MND1: variants seen among roughly 807,000 people sequenced by gnomAD.
MND1 encodes the protein meiotic nuclear divisions 1.
A neutral mutation model predicts 35.1 loss-of-function variants in MND1; 28 were observed. That is an observed-to-expected ratio of 0.80 (90% confidence interval 0.59 to 1.09). The LOEUF (loss-of-function observed/expected upper bound fraction) is 1.09, where lower values mean the gene tolerates loss of function less well. Among genes scored for constraint, MND1 ranks in the 50% least tolerant of loss-of-function variants. The pLI, the probability that MND1 is intolerant of heterozygous loss-of-function variation, is 0.00. For missense variants in MND1, 213 were observed against 239.6 expected, an observed-to-expected ratio of 0.89 and a Z score of 0.73; for synonymous variants, 69 against 70.5, an observed-to-expected ratio of 0.98 and a Z score of 0.11.
chr4:153,356,880 TG>T (rs1375584930), intron 3 of MND1, among the ~76,000 whole-genome samples: 1 of 152,106 alleles, frequency 6.6e-6, no homozygotes, highest in Non-Finnish European at 1.5e-5. Flanking sequence ...TGGAGCCCAG[TG>T]GTGCAGTCCT....
chr4:153,349,670 C>A (rs1380052042), intron 1 of MND1, among the ~76,000 whole-genome samples: 1 of 152,206 alleles, frequency 6.6e-6, no homozygotes, highest in Non-Finnish European at 1.5e-5. Flanking sequence ...ACCCTTCTTC[C>A]TCTGCATAGT....
intron 4 of MND1, among the ~76,000 whole-genome samples, chr4:153,380,042 C>G (rs185996880): frequency 1.2e-4 from 18 of 144,440 alleles, no homozygotes; most frequent in African/African-American, 3.4e-4. Context: ...AAAAATTATT[C>G]ACTGTAGATG....
upstream of MND1, chr4:153,344,652 C>A: frequency 1.6e-6 from 2 of 1,258,374 alleles, no homozygotes; most frequent in Non-Finnish European, 1.1e-6. Flanking sequence ...GCGGCGTAGT[C>A]GGCGCCAAAA....
intron 4 of MND1, among the ~76,000 whole-genome samples, chr4:153,393,131 G>A (rs1243663079): frequency 1.3e-5 from 2 of 151,792 alleles, no homozygotes; most frequent in Non-Finnish European, 2.9e-5. Flanking sequence ...GAAAAAAAAA[G>A]AGAAAAAGAT....
intron 6 of MND1, among the ~76,000 whole-genome samples, chr4:153,402,764 G>A (rs1017711126): frequency 2.0e-5 from 3 of 152,148 alleles, no homozygotes; most frequent in African/African-American, 7.2e-5. Flanking sequence ...TCTCTGTGGG[G>A]AGTGTTTGTC....
chr4:153,404,147 C>T lies in MND1; in HGVS notation c.467-4824C>T, dbSNP rs955119964. 7.5e-5 allele frequency among the ~76,000 whole-genome samples: 11 copies of T among 146,376 alleles called. No homozygotes were observed. In the East Asian group the frequency reaches 8.0e-4, roughly 11 times the overall value. On this transcript the variant is annotated intron_variant, in intron 6 of 7. Coordinates refer to ENST00000240488, the MANE Select transcript of MND1 (RefSeq NM_032117.4). ...AATATATTCAAAGAGAAATGAAAAA[C>T]GAGAAAATCAAAACCAAAAATTGGT...
chr4:153,383,685 A>T (rs142269790), intron 4 of MND1, among the ~76,000 whole-genome samples: 4 of 152,162 alleles, frequency 2.6e-5, no homozygotes, highest in African/African-American at 9.6e-5. Context: ...AGCACTCTCC[A>T]TCATGTCCTT....
intron 4 of MND1, among the ~76,000 whole-genome samples, chr4:153,372,923 T>A (rs1288259940): frequency 6.6e-6 from 1 of 152,218 alleles, no homozygotes; most frequent in African/African-American, 2.4e-5. Context: ...GATGTATTTA[T>A]CATTATGAAA....
At position 153,394,343 on chromosome 4, in the gene MND1, TTG is replaced by T. The variant is rs777727047; in HGVS notation, c.351+11_351+12del. The T allele has an allele frequency of 3.7e-6, 6 of 1,607,208 alleles. No homozygotes were observed. In the African/African-American group the frequency reaches 8.0e-5, roughly 22 times the overall value. ...AATTGGCCGATGTGAAACGGTAAGTTTGTGTCTATAGATTATTTTAATAATGG... is the reference window on the plus strand; with the variant it reads ...AATTGGCCGATGTGAAACGGTAAGTTTGTCTATAGATTATTTTAATAATGG... On this transcript the variant is annotated splice_region_variant and intron_variant, in intron 5 of 7. Coordinates refer to ENST00000240488, the MANE Select transcript of MND1 (RefSeq NM_032117.4).
intron 4 of MND1, among the ~76,000 whole-genome samples, chr4:153,379,325 G>GAA (rs375547555): frequency 1.5e-5 from 2 of 132,128 alleles, no homozygotes; most frequent in African/African-American, 5.6e-5. Flanking sequence ...AAGAAGAAAA[G>GAA]AAAAAAAAAA....
At chr4:153,352,740 C>T (rs867114840) in intron 2 of MND1, among the ~76,000 whole-genome samples, 86 of 90,588 alleles carry the variant, frequency 9.5e-4, no homozygotes, top group Middle Eastern at 9.4e-3. Context: ...GAGTGAGACC[C>T]TATCTTAAAA....
At position 153,394,336 on chromosome 4, in the gene MND1, G is replaced by T; in HGVS notation, c.351G>T (p.Thr117=). 6.2e-7 allele frequency: 1 copy of T among 1,609,812 alleles called. No homozygotes were observed. Among genetic ancestry groups the T allele is most frequent in the Non-Finnish European group, 8.5e-7 (1 of 1,177,118 alleles). Residue 117 remains threonine (T), a splice_region_variant and synonymous_variant, in exon 5 of 8, where the codon ACG becomes ACT. Transcript: ENST00000240488. ...IEKAKIGRCE[T]EERTRLAKEL... is the part of the protein sequence containing the mutation. Reference sequence around the variant, plus strand: ...AAGCTAAAATTGGCCGATGTGAAACGGTAAGTTTGTGTCTATAGATTATTT... The same window carrying T: ...AAGCTAAAATTGGCCGATGTGAAACTGTAAGTTTGTGTCTATAGATTATTT...
intron 4 of MND1, among the ~76,000 whole-genome samples, chr4:153,378,869 G>A (rs2149644412): frequency 6.6e-6 from 1 of 152,272 alleles, no homozygotes; most frequent in East Asian, 1.9e-4. Context: ...AGGGACTTCA[G>A]TATAGTAGTC....
intron 6 of MND1, among the ~76,000 whole-genome samples, chr4:153,401,135 G>T (rs1369955645): frequency 1.3e-5 from 2 of 152,176 alleles, no homozygotes; most frequent in African/African-American, 4.8e-5. Flanking sequence ...AGGCGCAGTG[G>T]CTCACGCCTG....
chr4:153,363,841 G>A (rs927877474), intron 4 of MND1, among the ~76,000 whole-genome samples: 1 of 152,174 alleles, frequency 6.6e-6, no homozygotes, highest in African/African-American at 2.4e-5. Context: ...TGGAGCCTAG[G>A]ATCAGAGAAA....
In MND1 at chr4:153,395,039, G is replaced by A. The variant is rs560117667; in HGVS notation, c.351+703G>A. On this transcript the variant is annotated intron_variant, in intron 5 of 7. Coordinates refer to ENST00000240488, the MANE Select transcript of MND1 (RefSeq NM_032117.4). ...CACTTGATTGGGAAAGAAAGCAACTGGAAAACTTGTCACATAGTAGAAAGG... is the reference window on the plus strand; with the variant it reads ...CACTTGATTGGGAAAGAAAGCAACTAGAAAACTTGTCACATAGTAGAAAGG... Among the ~76,000 whole-genome samples, 39 of 152,222 alleles carry A rather than the reference G, an allele frequency of 2.6e-4. No individual in the cohort carries two copies. The South Asian group carries it at 3.7e-3, about 15-fold the overall frequency.
intron 4 of MND1, among the ~76,000 whole-genome samples, chr4:153,393,226 GTACTT>G (rs1383186156): frequency 2.0e-5 from 3 of 152,030 alleles, no homozygotes; most frequent in Non-Finnish European, 2.9e-5. Flanking sequence ...TCTTTGTAAA[GTACTT>G]TAATAAGTGA....
At chr4:153,392,404 C>T (rs777174281) in intron 4 of MND1, among the ~76,000 whole-genome samples, 6 of 152,018 alleles carry the variant, frequency 3.9e-5, no homozygotes, top group Admixed American at 2.0e-4. Flanking sequence ...CATGCCCGGC[C>T]GTAAACAGTT....
chr4:153,407,074 C>G (rs577179120), intron 6 of MND1, among the ~76,000 whole-genome samples: 1 of 152,332 alleles, frequency 6.6e-6, no homozygotes, highest in Non-Finnish European at 1.5e-5. Flanking sequence ...TCCCACAACA[C>G]GTGGGAATTG....
Sources: allele counts gnomAD v4.1 joint callset (sites outside exome capture counted in the v4.1 genomes callset), GRCh38; gene constraint gnomAD v4.1.1; transcripts MANE v1.5; gene names NCBI Gene and HGNC (gene_info 2026-07-23, HGNC 2026-07-21).